TRPM3: variants seen among roughly 807,000 people sequenced by gnomAD.
TRPM3 encodes the protein long transient receptor potential channel 3.
A neutral mutation model predicts 181.2 loss-of-function variants in TRPM3; 77 were observed. The observed-to-expected ratio is 0.42, with a 90% CI of 0.35 to 0.51. The LOEUF (loss-of-function observed/expected upper bound fraction) is 0.51. TRPM3 is among the 20% of genes least tolerant of loss of function. The pLI, the probability that TRPM3 is intolerant of heterozygous loss-of-function variation, is 0.01. For synonymous variants in TRPM3, 745 were observed against 796.4 expected (o/e 0.94, Z 1.09); for missense variants, 1,759 against 2,196.7 (o/e 0.80, Z 3.98).
intron 6 of TRPM3, among the ~76,000 whole-genome samples, chr9:70,813,944 C>T (rs1483315114): frequency 6.6e-6 from 1 of 152,196 alleles, no homozygotes; most frequent in Non-Finnish European, 1.5e-5. Flanking sequence ...ATTTGTAAGA[C>T]TAAGCTCTTC....
In TRPM3 at chr9:70,537,293, G is replaced by A. The variant is rs146119682; in HGVS notation, c.3820C>T (p.Arg1274Cys). Residue 1274 changes from arginine to cysteine, a missense_variant, in exon 26 of 26, where the codon CGC becomes TGC. By Grantham distance (180) the Arg-to-Cys change is radical. This residue lies in a region of TRPM3 where 612 missense variants were observed against 590.0 expected (regional missense o/e 1.04). Coordinates refer to ENST00000677713, the MANE Select transcript of TRPM3 (RefSeq NM_001366145.2). ...AGGCGCTCCAGGGCCGTGGCCATGC[G>A]CCCGATAAGGTCTTCCAGCTGCGCC... ...RLAQLEDLIG[R>C]MATALERLTG... The A allele has an allele frequency of 5.6e-5, 87 of 1,553,004 alleles. 2 individuals are homozygous for A. In the Admixed American group the frequency reaches 1.3e-3, roughly 23 times the overall value.
At chr9:70,963,808 C>A (rs2097160795) in intron 1 of TRPM3, among the ~76,000 whole-genome samples, 2 of 152,160 alleles carry the variant, frequency 1.3e-5, no homozygotes, top group East Asian at 1.9e-4. Context: ...GCATCTCCTG[C>A]ATCAACAGTA....
At chr9:70,958,837 A>T (rs1281584787) in intron 1 of TRPM3, among the ~76,000 whole-genome samples, 1 of 151,918 alleles carries the variant, frequency 6.6e-6, no homozygotes, top group African/African-American at 2.4e-5. Context: ...ATAAAAAATG[A>T]TGAGTTCATG....
intron 1 of TRPM3, among the ~76,000 whole-genome samples, chr9:71,024,349 A>G (rs1471463174): frequency 6.6e-6 from 1 of 152,190 alleles, no homozygotes; most frequent in Non-Finnish European, 1.5e-5. Context: ...ATAATAAAGT[A>G]GATGCAAAGA....
chr9:70,566,622 T>C (rs1406394950), intron 22 of TRPM3, among the ~76,000 whole-genome samples: 1 of 152,226 alleles, frequency 6.6e-6, no homozygotes, highest in African/African-American at 2.4e-5. Context: ...TGGTTTCTTA[T>C]CTACTAAGTA....
At chr9:71,125,594 C>T (rs559548338), upstream of TRPM3, among the ~76,000 whole-genome samples, 94 of 152,250 alleles carry the variant, frequency 6.2e-4, no homozygotes, top group African/African-American at 2.2e-3. Flanking sequence ...TCTAGTCCAT[C>T]ATTGATGTGC....
intron 1 of TRPM3, among the ~76,000 whole-genome samples, chr9:71,351,410 T>C (rs2091614041): frequency 6.6e-6 from 1 of 152,156 alleles, no homozygotes. Flanking sequence ...TTCTATAACC[T>C]AGATGATAAT....
At chr9:71,189,211 A>G (rs780249075) in intron 1 of TRPM3, among the ~76,000 whole-genome samples, 1 of 151,818 alleles carries the variant, frequency 6.6e-6, no homozygotes, top group African/African-American at 2.4e-5. Flanking sequence ...AAAGAAAAAG[A>G]CTTCTCCAAA....
At chr9:71,219,003 C>G (rs1254371587) in intron 1 of TRPM3, among the ~76,000 whole-genome samples, 1 of 152,112 alleles carries the variant, frequency 6.6e-6, no homozygotes, top group African/African-American at 2.4e-5. Flanking sequence ...GCTTACCAGG[C>G]AAGGAAACTT....
intron 1 of TRPM3, among the ~76,000 whole-genome samples, chr9:71,203,537 A>G (rs1327940744): frequency 1.3e-5 from 2 of 152,210 alleles, no homozygotes; most frequent in African/African-American, 2.4e-5. Flanking sequence ...CTGAGAAATG[A>G]TATCAGAAAG....
At chr9:70,552,244 T>G (rs372097136) in intron 24 of TRPM3, among the ~76,000 whole-genome samples, 1 of 152,178 alleles carries the variant, frequency 6.6e-6, no homozygotes, top group Non-Finnish European at 1.5e-5. Context: ...CCAAACCTCC[T>G]GCAGTGTGTG....
At chr9:70,823,769 C>T (rs552623184) in intron 6 of TRPM3, among the ~76,000 whole-genome samples, 9 of 152,276 alleles carry the variant, frequency 5.9e-5, no homozygotes, top group East Asian at 1.9e-4. Flanking sequence ...AGTAGGAATT[C>T]GATAAGTATT....
intron 1 of TRPM3, among the ~76,000 whole-genome samples, chr9:71,158,989 C>T (rs1346901311): frequency 6.6e-6 from 1 of 151,936 alleles, no homozygotes; most frequent in African/African-American, 2.4e-5. Context: ...CAGTGCTCTG[C>T]GCCTCAGGCC....
intron 1 of TRPM3, among the ~76,000 whole-genome samples, chr9:71,007,436 C>T (rs1042972116): frequency 3.3e-5 from 5 of 152,018 alleles, no homozygotes; most frequent in Middle Eastern, 3.4e-3. Context: ...CAACAACACA[C>T]GGAACATTCT....
chr9:71,144,706 G>T (rs1387073091), intron 1 of TRPM3, among the ~76,000 whole-genome samples: 1 of 152,166 alleles, frequency 6.6e-6, no homozygotes, highest in African/African-American at 2.4e-5. Context: ...AGTCAAGCCA[G>T]ATTGCTGATC....
intron 1 of TRPM3, among the ~76,000 whole-genome samples, chr9:71,232,464 A>G (rs11142744): frequency 0.034 from 5,043 of 148,320 alleles, 124 homozygotes; most frequent in Middle Eastern, 0.067. Context: ...TGCATACTCT[A>G]ACGCACATGG....
Position 70,776,169 on chromosome 9 carries a change from G to A in TRPM3, c.1148+7936C>T, listed in dbSNP as rs891615053. On this transcript the variant is annotated intron_variant, in intron 7 of 25. Coordinates refer to ENST00000677713, the MANE Select transcript of TRPM3 (RefSeq NM_001366145.2). ...ATCCCAGCTTTGACAGAGTAAACCC[G>A]CACCTTGTCTGTATTACATATTGCA... is the stretch of plus-strand genomic sequence containing the variant. 8 of 302,188 alleles carry A rather than the reference G, an allele frequency of 2.6e-5. No homozygotes were observed. The East Asian group carries it at 2.8e-4, about 11-fold the overall frequency. The allele number at this position is 302,188 out of a possible 1,614,324, so 18.7% of individuals were successfully genotyped here.
intron 1 of TRPM3, among the ~76,000 whole-genome samples, chr9:70,935,123 C>T (rs147145634): frequency 6.6e-5 from 10 of 152,294 alleles, no homozygotes; most frequent in African/African-American, 2.2e-4. Flanking sequence ...CTCATGAATG[C>T]CCACGCACCC....
At chr9:71,259,776 A>G (rs978899402) in intron 1 of TRPM3, among the ~76,000 whole-genome samples, 2 of 152,050 alleles carry the variant, frequency 1.3e-5, no homozygotes, top group African/African-American at 4.8e-5. Flanking sequence ...GTTCTTGTAG[A>G]TTCTGGATAT....
Sources: gnomAD v4.1 joint callset for allele counts (sites outside exome capture counted in the v4.1 genomes callset) on GRCh38, gnomAD v4.1.1 for gene constraint, gnomAD v4.1.1 regional missense constraint, MANE v1.5 for transcripts, NCBI Gene and HGNC (gene_info 2026-07-23, HGNC 2026-07-21) for gene names.